BRD10: variants seen among roughly 807,000 people sequenced by gnomAD.
BRD10 encodes bromodomain containing 10, also known as uncharacterized bromodomain-containing protein 10.
At chr9:5,921,837 C>G in the BRD10 span, 1 of 1,613,988 alleles carries the variant, frequency 6.2e-7, no homozygotes, top group Non-Finnish European at 8.5e-7. Context: ...GAAGTTTTAT[C>G]TATCACGTGG....
At chr9:5,943,770 T>C in the BRD10 span, among the ~76,000 whole-genome samples, 1 of 152,164 alleles carries the variant, frequency 6.6e-6, no homozygotes, top group African/African-American at 2.4e-5. Flanking sequence ...AAGTTAATTA[T>C]TGAACATAAT....
At chr9:5,955,005 G>A in the BRD10 span, among the ~76,000 whole-genome samples, 4 of 151,962 alleles carry the variant, frequency 2.6e-5, no homozygotes, top group African/African-American at 9.7e-5. Flanking sequence ...GGAGAATCAT[G>A]TGAACCTGGG....
the BRD10 span, among the ~76,000 whole-genome samples, chr9:5,914,944 C>G: frequency 6.6e-6 from 1 of 151,782 alleles, no homozygotes. Context: ...CAATATGTAC[C>G]TCAATAAATT....
the BRD10 span, chr9:5,921,487 G>T: frequency 6.2e-6 from 10 of 1,613,808 alleles, no homozygotes; most frequent in Non-Finnish European, 8.5e-6. Context: ...CTAATTTCTG[G>T]GCAGAAACAC....
chr9:5,957,991 T>C, the BRD10 span, among the ~76,000 whole-genome samples: 4 of 152,082 alleles, frequency 2.6e-5, no homozygotes, highest in Admixed American at 1.3e-4. Context: ...TCATATAAAA[T>C]AGAATAAAAT....
the BRD10 span, among the ~76,000 whole-genome samples, chr9:5,975,572 T>A: frequency 2.6e-4 from 40 of 152,120 alleles, 1 homozygote; most frequent in East Asian, 7.3e-3. Flanking sequence ...AAACTACACT[T>A]TTGGAGATAA....
chr9:6,008,336 G>C, the BRD10 span: 18 of 984,818 alleles, frequency 1.8e-5, no homozygotes, highest in Non-Finnish European at 2.2e-5. Context: ...GGCGACAACT[G>C]TCAGTTAGAA....
chr9:5,981,380 G>GC, the BRD10 span, among the ~76,000 whole-genome samples: 1 of 152,172 alleles, frequency 6.6e-6, no homozygotes, highest in African/African-American at 2.4e-5. Context: ...TTAAGATTCT[G>GC]CTACATTGTA....
At chr9:5,905,740 T>C in the BRD10 span, among the ~76,000 whole-genome samples, 1 of 152,238 alleles carries the variant, frequency 6.6e-6, no homozygotes, top group South Asian at 2.1e-4. Flanking sequence ...TGACCCAATG[T>C]ATACCTTCCG....
the BRD10 span, chr9:5,968,445 C>T: frequency 4.3e-6 from 7 of 1,612,664 alleles, no homozygotes; most frequent in East Asian, 2.2e-5. Context: ...GTAACTTCCC[C>T]TGGACTCCTT....
chr9:5,892,429 C>T, the BRD10 span: 2 of 1,567,442 alleles, frequency 1.3e-6, no homozygotes, highest in Non-Finnish European at 1.7e-6. Flanking sequence ...ATTAATGATG[C>T]CCACATGCTC....
chr9:5,996,428 T>G, the BRD10 span, among the ~76,000 whole-genome samples: 28 of 152,208 alleles, frequency 1.8e-4, no homozygotes, highest in South Asian at 4.3e-3. Context: ...AAGCAATTCT[T>G]GTGCCTCAGT....
chr9:5,881,120 A>T, the BRD10 span, among the ~76,000 whole-genome samples: 3 of 152,042 alleles, frequency 2.0e-5, no homozygotes, highest in Non-Finnish European at 4.4e-5. Flanking sequence ...ACACACACAC[A>T]ATCCTTCCCC....
At chr9:5,926,659 G>C in the BRD10 span, among the ~76,000 whole-genome samples, 8 of 152,082 alleles carry the variant, frequency 5.3e-5, no homozygotes, top group African/African-American at 1.7e-4. Context: ...AGCCTCCTGA[G>C]TAGCTGGGAC....
chr9:5,960,333 G>T, the BRD10 span, among the ~76,000 whole-genome samples: 1 of 152,090 alleles, frequency 6.6e-6, no homozygotes. Context: ...AGGCCGAGGT[G>T]GGCCGATCAC....
At chr9:5,997,978 A>T in the BRD10 span, among the ~76,000 whole-genome samples, 30,230 of 152,202 alleles carry the variant, frequency 0.2, 3,227 homozygotes, top group Middle Eastern at 0.3. Flanking sequence ...TTAAGTGGTA[A>T]CAATAGAAAG....
At chr9:5,903,421 G>T in the BRD10 span, among the ~76,000 whole-genome samples, 3 of 152,282 alleles carry the variant, frequency 2.0e-5, no homozygotes, top group South Asian at 4.1e-4. Context: ...CTAATATGTT[G>T]TTGAGTTTTT....
the BRD10 span, among the ~76,000 whole-genome samples, chr9:6,000,605 ATTGTC>A: frequency 6.6e-6 from 1 of 152,324 alleles, no homozygotes; most frequent in African/African-American, 2.4e-5. Context: ...GGACATTTTT[ATTGTC>A]TTAATTCTAA....
chr9:5,961,628 GAATAAA>G, the BRD10 span, among the ~76,000 whole-genome samples: 2 of 151,956 alleles, frequency 1.3e-5, no homozygotes, highest in East Asian at 3.8e-4. Context: ...TTCTATGATT[GAATAAA>G]AACATAGGAT....
Sources: gnomAD v4.1 joint callset for allele counts (sites outside exome capture counted in the v4.1 genomes callset) on GRCh38, gnomAD v4.1.1 for gene constraint, MANE v1.5 for transcripts, NCBI Gene and HGNC (gene_info 2026-07-23, HGNC 2026-07-21) for gene names.